Variants in KIR3DL2 observed in about 807,000 individuals in gnomAD.
The protein encoded by KIR3DL2 is killer cell immunoglobulin-like receptor 3DL2.
Under a neutral mutation model 41.6 loss-of-function variants are expected in KIR3DL2, and 42 were observed. The ratio of observed to expected loss-of-function variants is 1.01; its 90% CI spans 0.79 to 1.31. The LOEUF is 1.31. KIR3DL2 is among the 50% of genes most tolerant of loss of function. KIR3DL2 has a pLI of 0.00. For synonymous variants in KIR3DL2, 230 were observed against 221.3 expected (o/e 1.04, Z -0.35); for missense variants, 728 against 576.8 (o/e 1.26, Z -2.68).
intron 6 of KIR3DL2, among the ~76,000 whole-genome samples, chr19:54,859,491 G>A (rs1309618759): frequency 2.0e-5 from 3 of 152,034 alleles, no homozygotes; most frequent in East Asian, 1.9e-4. Context: ...GGGTGTTTTA[G>A]AGAAGTTCCA....
At chr19:54,854,409 G>C (rs1030013427) in intron 4 of KIR3DL2, among the ~76,000 whole-genome samples, 1 of 151,800 alleles carries the variant, frequency 6.6e-6, no homozygotes, top group Non-Finnish European at 1.5e-5. Context: ...GTGCTTCTAC[G>C]AGGAGAACCC....
At position 54,867,087 on chromosome 19, in the gene KIR3DL2, C is replaced by T; in HGVS notation, c.*356C>T. On this transcript the variant is annotated 3_prime_UTR_variant, in exon 9 of 9. Coordinates refer to ENST00000326321, the MANE Select transcript of KIR3DL2 (RefSeq NM_006737.4). ...TTACACACTTGCTGTTCCACCTTCC[C>T]TCATGCTGTTCCACCTCCCCTCAGA... 3.3e-6 allele frequency: 1 copy of T among 302,618 alleles called. No individual in the cohort carries two copies. Among genetic ancestry groups the T allele is most frequent in the African/African-American group, 2.2e-5 (1 of 45,780 alleles). The allele number at this position is 302,618 out of a possible 1,614,324, so 18.7% of individuals were successfully genotyped here. A position where few individuals can be genotyped will look rare whatever the true frequency, so the allele number is the denominator to read the frequency against.
At chr19:54,859,247 T>C in intron 6 of KIR3DL2, 118 bp downstream of exon 6, 1 of 981,390 alleles carries the variant, frequency 1.0e-6, no homozygotes, top group Non-Finnish European at 1.6e-6. Flanking sequence ...TTCCACCATC[T>C]CTGAACTCCA....
chr19:54,859,430 A>G (rs2065017689), intron 6 of KIR3DL2, among the ~76,000 whole-genome samples: 1 of 152,090 alleles, frequency 6.6e-6, no homozygotes, highest in Admixed American at 6.5e-5. Context: ...ACTGGAGGAT[A>G]AATTCCCGGG....
Position 54,853,804 on chromosome 19 carries a change from A to G in KIR3DL2, c.413A>G (p.Glu138Gly). ...AHPGPLLKSG[E>G]TVILQCWSDV... ...CCAGGGCCCCTGCTGAAATCAGGAG[A>G]GACAGTCATCCTGCAATGTTGGTCA... Residue 138 changes from glutamate to glycine, a missense_variant, in exon 4 of 9, where the codon GAG (glutamate) becomes GGG (glycine). Glu to Gly is a moderately conservative substitution (Grantham distance 98). Transcript: ENST00000326321. The G allele has an allele frequency of 6.2e-7, 1 of 1,612,420 alleles. No individual in the cohort carries two copies.
At chr19:54,858,722 T>C (rs654255) in intron 5 of KIR3DL2, among the ~76,000 whole-genome samples, 57,861 of 147,210 alleles carry the variant, frequency 0.39, 11,371 homozygotes, top group South Asian at 0.44. Flanking sequence ...AGCAAGATTC[T>C]ATCACACACA....
chr19:54,852,028 G>T lies in KIR3DL2; in HGVS notation c.101G>T (p.Arg34Leu). ...GGQDKPFLSA[R>L]PSTVVPRGGH... ...CAGGACAAACCCTTCCTGTCTGCCC[G>T]GCCCAGCACTGTGGTGCCTCGAGGA... is the stretch of plus-strand genomic sequence containing the variant. Residue 34 changes from arginine to leucine, a missense_variant, in exon 3 of 9, where the codon CGG (arginine) becomes CTG (leucine). By Grantham distance (102) the Arg-to-Leu change is moderately radical. Coordinates refer to ENST00000326321, the MANE Select transcript of KIR3DL2 (RefSeq NM_006737.4). 4.3e-6 allele frequency: 7 copies of T among 1,611,312 alleles called. No homozygotes were observed. Among genetic ancestry groups the T allele is most frequent in the Non-Finnish European group, 5.9e-6 (7 of 1,178,614 alleles).
rs2065542673 is a variant in KIR3DL2, at chr19:54,866,596, C to T, written c.1233C>T (p.Ile411=). 1 of 1,613,930 alleles carries T rather than the reference C, an allele frequency of 6.2e-7. No homozygotes were observed. The highest frequency in any genetic ancestry group is 1.3e-5 in the African/African-American group (1 of 74,918). Residue 411 remains isoleucine (I), a synonymous_variant, in exon 9 of 9, where the codon ATC becomes ATT. Coordinates refer to ENST00000326321, the MANE Select transcript of KIR3DL2 (RefSeq NM_006737.4). ...ACTGCGTTTTCATACAGAGAAAAAT[C>T]AGTCGCCCTTCTCAGAGGCCCAAGA... ...LDHCVFIQRK[I]SRPSQRPKTP...
chr19:54,864,380 C>G (rs888846215), intron 6 of KIR3DL2, among the ~76,000 whole-genome samples: 4 of 151,944 alleles, frequency 2.6e-5, no homozygotes, highest in African/African-American at 9.7e-5. Flanking sequence ...GTAGTTTTTT[C>G]CAATTCTGTG....
chr19:54,861,173 A>G (rs1446237215), intron 6 of KIR3DL2, among the ~76,000 whole-genome samples: 35 of 149,898 alleles, frequency 2.3e-4, no homozygotes, highest in Non-Finnish European at 4.2e-4. Context: ...TGGATATAAG[A>G]TATGTTTGTG....
rs537025929 is a variant in KIR3DL2 at position 54,854,120 on chromosome 19, G to A, written c.655+74G>A. 1.6e-5 allele frequency: 25 copies of A among 1,515,594 alleles called. 1 individual carries two copies. In the African/African-American group the frequency reaches 2.1e-4, roughly 13 times the overall value. 93.9% of individuals were successfully genotyped at this position (1,515,594 alleles called of 1,614,324 possible). A position where few individuals can be genotyped will look rare whatever the true frequency, so the allele number is the denominator to read the frequency against. ...ATGATCCAGGACTTGGAACCCCCAG[G>A]TGGTCATGAGGAAGATAAGCGTGGG... On this transcript the variant is annotated intron_variant, in intron 4 of 8. Coordinates refer to ENST00000326321, the MANE Select transcript of KIR3DL2 (RefSeq NM_006737.4).
At chr19:54,855,537 G>C in intron 4 of KIR3DL2, 82 bp from the exon 5 acceptor site, 1 of 1,542,590 alleles carries the variant, frequency 6.5e-7, no homozygotes, top group East Asian at 2.2e-5. Context: ...CATAGAGCAG[G>C]GGAGTGAGTT....
At chr19:54,855,510 G>A in intron 4 of KIR3DL2, 109 bp from the exon 5 acceptor site, 1 of 1,457,896 alleles carries the variant, frequency 6.9e-7, no homozygotes, top group East Asian at 2.3e-5. Context: ...GGGTGAGAGA[G>A]AGAGAGAGCA....
intron 5 of KIR3DL2, among the ~76,000 whole-genome samples, chr19:54,858,762 A>T (rs1035207816): frequency 2.6e-5 from 4 of 151,864 alleles, no homozygotes; most frequent in African/African-American, 9.7e-5. Context: ...ATGTAAATGC[A>T]TGGATTATAT....
At chr19:54,856,258 C>G (rs1440718211) in intron 5 of KIR3DL2, among the ~76,000 whole-genome samples, 6 of 151,494 alleles carry the variant, frequency 4.0e-5, no homozygotes, top group African/African-American at 1.5e-4. Flanking sequence ...CTCACCCACA[C>G]AGAGAGATGT....
intron 5 of KIR3DL2, among the ~76,000 whole-genome samples, chr19:54,858,547 A>G (rs1221906049): frequency 1.3e-5 from 2 of 151,026 alleles, no homozygotes; most frequent in Non-Finnish European, 2.9e-5. Flanking sequence ...TGGCCAACAG[A>G]GTGAAACCTC....
At chr19:54,857,238 C>T (rs999868870) in intron 5 of KIR3DL2, among the ~76,000 whole-genome samples, 4 of 151,062 alleles carry the variant, frequency 2.6e-5, no homozygotes, top group Non-Finnish European at 5.9e-5. Flanking sequence ...TACAGGTGCA[C>T]GCCACCATGC....
chr19:54,866,655 T>C lies in KIR3DL2; in HGVS notation c.1292T>C (p.Leu431Pro), dbSNP rs1213511597. Residue 431 changes from leucine to proline, a missense_variant, in exon 9 of 9, where the codon CTT (leucine) becomes CCT (proline). Transcript: ENST00000326321. ...ACAGATACCAGCGTGTACACGGAACTTCCAAATGCTGAGCCCAGATCCAAA... is the reference window on the plus strand; with the variant it reads ...ACAGATACCAGCGTGTACACGGAACCTCCAAATGCTGAGCCCAGATCCAAA... Reference protein sequence around the residue: ...PLTDTSVYTELPNAEPRSKVV... With the variant: ...PLTDTSVYTEPPNAEPRSKVV... The C allele has an allele frequency of 6.2e-7, 1 of 1,613,942 alleles. No homozygotes were observed. The highest frequency in any genetic ancestry group is 1.1e-5 in the South Asian group (1 of 91,082).
At chr19:54,854,582 T>A (rs1308587887) in intron 4 of KIR3DL2, among the ~76,000 whole-genome samples, 1 of 151,864 alleles carries the variant, frequency 6.6e-6, no homozygotes, top group African/African-American at 2.4e-5. Context: ...ATACTGTGTG[T>A]ACTTGGTGTC....
Sources: gnomAD v4.1 joint callset for allele counts (sites outside exome capture counted in the v4.1 genomes callset) on GRCh38, gnomAD v4.1.1 for gene constraint, MANE v1.5 for transcripts, NCBI Gene and HGNC (gene_info 2026-07-23, HGNC 2026-07-21) for gene names.